Variants in ZFHX3 observed in about 807,000 individuals in gnomAD.
ZFHX3 encodes the protein zinc finger homeobox 3.
ZFHX3 carries 42 observed loss-of-function variants against 279.1 expected under a neutral mutation model. That is an observed-to-expected ratio of 0.15 (90% CI 0.12 to 0.19). The LOEUF is 0.19. ZFHX3 is among the 10% of genes least tolerant of loss of function. The pLI is 1.00. For synonymous variants in ZFHX3, 2,293 were observed against 1,957.8 expected (o/e 1.17, Z -4.52); for missense variants, 4,981 against 4,754.0 (o/e 1.05, Z -1.40).
At chr16:73,515,509 A>G (rs542355979) in intron 2 of ZFHX3, among the ~76,000 whole-genome samples, 1 of 151,438 alleles carries the variant, frequency 6.6e-6, no homozygotes, top group Admixed American at 6.6e-5. Flanking sequence ...AGAGAGAAAG[A>G]GAGAGAAAGA....
At chr16:73,101,392 C>CT (rs1966228761) in intron 7 of ZFHX3, among the ~76,000 whole-genome samples, 1 of 152,010 alleles carries the variant, frequency 6.6e-6, no homozygotes, top group South Asian at 2.1e-4. Flanking sequence ...TATTGCTCCC[C>CT]TTTTGAGATG....
At chr16:73,491,570 C>T (rs825839) in intron 2 of ZFHX3, among the ~76,000 whole-genome samples, 77,011 of 152,068 alleles carry the variant, frequency 0.51, 20,857 homozygotes, top group East Asian at 0.96. Flanking sequence ...ATATTCATTA[C>T]GTGTGTGTTT....
intron 2 of ZFHX3, among the ~76,000 whole-genome samples, chr16:73,540,244 A>G (rs977068441): frequency 8.5e-5 from 13 of 152,208 alleles, no homozygotes; most frequent in African/African-American, 3.1e-4. Context: ...CCACAACCAT[A>G]TGGGCTAGGC....
At chr16:73,876,530 G>T (rs903389316) in intron 1 of ZFHX3, among the ~76,000 whole-genome samples, 3 of 152,112 alleles carry the variant, frequency 2.0e-5, no homozygotes, top group African/African-American at 7.2e-5. Flanking sequence ...TCAATAATTT[G>T]TATGTTTACA....
chr16:73,352,601 T>C (rs1220701494), intron 3 of ZFHX3, among the ~76,000 whole-genome samples: 1 of 149,538 alleles, frequency 6.7e-6, no homozygotes, highest in Non-Finnish European at 1.5e-5. Flanking sequence ...CATCCCAGTC[T>C]CTCGAGCAGC....
chr16:73,256,006 G>C (rs2013652921), intron 5 of ZFHX3, among the ~76,000 whole-genome samples: 1 of 152,124 alleles, frequency 6.6e-6, no homozygotes, highest in Admixed American at 6.5e-5. Context: ...ACACCCTGAG[G>C]AGCAAAGCCC....
intron 3 of ZFHX3, among the ~76,000 whole-genome samples, chr16:72,894,740 C>A (rs1008749035): frequency 6.6e-6 from 1 of 152,202 alleles, no homozygotes; most frequent in Non-Finnish European, 1.5e-5. Flanking sequence ...GCACAAATCC[C>A]AGTGGTGCAC....
intron 3 of ZFHX3, among the ~76,000 whole-genome samples, chr16:73,380,430 C>G (rs1158391499): frequency 6.6e-6 from 1 of 152,144 alleles, no homozygotes; most frequent in East Asian, 1.9e-4. Context: ...CGCACTGACA[C>G]AAGAAAATGA....
intron 4 of ZFHX3, among the ~76,000 whole-genome samples, chr16:72,862,855 A>T (rs952186143): frequency 6.6e-6 from 1 of 152,198 alleles, no homozygotes; most frequent in African/African-American, 2.4e-5. Context: ...AAGTTAGAAG[A>T]GGAACATACA....
chr16:72,864,288 T>C (rs1399491954), intron 4 of ZFHX3, among the ~76,000 whole-genome samples: 1 of 152,182 alleles, frequency 6.6e-6, no homozygotes, highest in Non-Finnish European at 1.5e-5. Context: ...AGCTGGGGCC[T>C]GGCCACCCAC....
intron 3 of ZFHX3, among the ~76,000 whole-genome samples, chr16:73,429,649 T>C (rs1000016393): frequency 4.6e-5 from 7 of 152,108 alleles, no homozygotes; most frequent in Admixed American, 1.3e-4. Flanking sequence ...TTCGGATTTT[T>C]TTAAGCCAAT....
chr16:73,056,804 C>T (rs571654797), intron 1 of ZFHX3, among the ~76,000 whole-genome samples: 1 of 152,316 alleles, frequency 6.6e-6, no homozygotes, highest in African/African-American at 2.4e-5. Context: ...TCTCCCCTCG[C>T]CCACTGCCCA....
chr16:72,843,169 AT>A (rs2037386322), intron 4 of ZFHX3, among the ~76,000 whole-genome samples: 1 of 152,186 alleles, frequency 6.6e-6, no homozygotes, highest in African/African-American at 2.4e-5. Context: ...AAGTACCTCA[AT>A]TTTACAGACT....
chr16:73,224,598 C>A (rs1054658462), intron 5 of ZFHX3, among the ~76,000 whole-genome samples: 1 of 152,050 alleles, frequency 6.6e-6, no homozygotes, highest in Non-Finnish European at 1.5e-5. Flanking sequence ...AGAAACGTGG[C>A]CAAAAGAGTC....
intron 5 of ZFHX3, among the ~76,000 whole-genome samples, chr16:73,245,128 T>C (rs2013240585): frequency 6.6e-6 from 1 of 152,152 alleles, no homozygotes. Context: ...AACCTTGCGC[T>C]TACATTTCCC....
intron 1 of ZFHX3, among the ~76,000 whole-genome samples, chr16:73,784,783 A>AC (rs58239690): frequency 0.011 from 1,108 of 99,912 alleles, 16 homozygotes; most frequent in African/African-American, 0.071. Flanking sequence ...ATTTTTAACA[A>AC]AATAAAAAAA....
chr16:73,288,505 C>T (rs1013359580), intron 4 of ZFHX3, among the ~76,000 whole-genome samples: 1 of 152,162 alleles, frequency 6.6e-6, no homozygotes, highest in African/African-American at 2.4e-5. Context: ...AAAATGAGAA[C>T]CAGCTTGGAA....
At chr16:73,520,356 A>T (rs1001480734) in intron 2 of ZFHX3, among the ~76,000 whole-genome samples, 3 of 152,242 alleles carry the variant, frequency 2.0e-5, no homozygotes, top group Admixed American at 2.0e-4. Flanking sequence ...GATGAAAACT[A>T]AAATTACAAA....
intron 2 of ZFHX3, among the ~76,000 whole-genome samples, chr16:73,543,506 C>G (rs796194266): frequency 1.3e-5 from 2 of 152,034 alleles, no homozygotes; most frequent in Non-Finnish European, 2.9e-5. Context: ...TTTAGAAACC[C>G]CTGGTAATTA....
Sources: allele counts gnomAD v4.1 joint callset (sites outside exome capture counted in the v4.1 genomes callset), GRCh38; gene constraint gnomAD v4.1.1; transcripts MANE v1.5; gene names NCBI Gene and HGNC (gene_info 2026-07-23, HGNC 2026-07-21).